KCNQ1OT1: variants seen among roughly 807,000 people sequenced by gnomAD.
The protein encoded by KCNQ1OT1 is KCNQ1 opposite strand/antisense transcript 1.
exon 1 of KCNQ1OT1, chr11:2,699,443 G>A (rs1429960805): frequency 7.5e-6 from 3 of 401,808 alleles, no homozygotes; most frequent in East Asian, 7.3e-5. Flanking sequence ...TGGGAGAACC[G>A]CACTGAGGAG....
chr11:2,691,600 C>T lies in KCNQ1OT1; in HGVS notation n.8395G>A. The stretch of plus-strand genomic sequence containing the variant: ...GACGAGGCCTCCCTGAGGGAGTCAA[C>T]CTAGCTTGTTCCCTGCACGTACTGT... On this transcript the variant is annotated non_coding_transcript_exon_variant, in exon 1 of 1. Coordinates refer to ENST00000597346, the Ensembl canonical transcript of KCNQ1OT1. The surrounding 1 kb of genome is among the most constrained non-coding windows in gnomAD (Gnocchi z 6.4). 2.5e-6 allele frequency: 1 copy of T among 398,570 alleles called. No individual in the cohort carries two copies. 24.7% of individuals were successfully genotyped at this position (398,570 alleles called of 1,614,324 possible).
At chr11:2,656,489 G>C (rs571827063) in exon 1 of KCNQ1OT1, 1 of 398,660 alleles carries the variant, frequency 2.5e-6, no homozygotes, top group Non-Finnish European at 4.4e-6. Context: ...TCGCCCCCAC[G>C]GGCCATGAGC....
In KCNQ1OT1 at chr11:2,687,702, G is replaced by A. The variant is rs1850514933; in HGVS notation, n.12293C>T. ...AGCTCAGGGTTCAGTGTTGGAATGG[G>A]TCTGGGCCCAGATTTCAAGCCAGTA... is the stretch of plus-strand genomic sequence containing the variant. On this transcript the variant is annotated non_coding_transcript_exon_variant, in exon 1 of 1. Coordinates refer to ENST00000597346, the Ensembl canonical transcript of KCNQ1OT1. This position sits in a 1 kb window ranked among gnomAD's most constrained non-coding sequence, Gnocchi z 5.0. 5.0e-6 allele frequency: 2 copies of A among 398,666 alleles called. No homozygotes were observed. The highest frequency in any genetic ancestry group is 8.8e-6 in the Non-Finnish European group (2 of 226,194). 24.7% of individuals were successfully genotyped at this position (398,666 alleles called of 1,614,324 possible). A position where few individuals can be genotyped will look rare whatever the true frequency, so the allele number is the denominator to read the frequency against.
Position 2,698,846 on chromosome 11 carries a change from G to C in KCNQ1OT1, n.1149C>G, listed in dbSNP as rs1169778374. 1 of 398,602 alleles carries C rather than the reference G, an allele frequency of 2.5e-6. No homozygotes were observed. The highest frequency in any genetic ancestry group is 3.6e-5 in the East Asian group (1 of 28,092). 24.7% of individuals were successfully genotyped at this position (398,602 alleles called of 1,614,324 possible). ...AGGCCCTACCTAAAACCACCATGCG[G>C]ACTCCAGACCCGGACTGACTGGGAC... On this transcript the variant is annotated non_coding_transcript_exon_variant, in exon 1 of 1. Transcript: ENST00000597346. This position sits in a 1 kb window ranked among gnomAD's most constrained non-coding sequence, Gnocchi z 5.1.
chr11:2,625,727 G>A lies in KCNQ1OT1; in HGVS notation n.74268C>T, dbSNP rs564811878. 1.5e-3 allele frequency: 582 copies of A among 397,236 alleles called. 3 individuals are homozygous for A. The highest frequency in any genetic ancestry group is 0.01 in the African/African-American group (501 of 48,584). 24.6% of individuals were successfully genotyped at this position (397,236 alleles called of 1,614,324 possible). ...TGGGACTACAGGCGCCCACCACCAC[G>A]CCTGGCTAATTTTTTGTATTTTTAG... is the stretch of plus-strand genomic sequence containing the variant. On this transcript the variant is annotated non_coding_transcript_exon_variant, in exon 1 of 1. Transcript: ENST00000597346.
Position 2,652,757 on chromosome 11 carries a change from C to G in KCNQ1OT1, n.47238G>C, listed in dbSNP as rs916077968. 9.3e-5 allele frequency: 37 copies of G among 398,972 alleles called. No homozygotes were observed. The highest frequency in any genetic ancestry group is 1.8e-5 in the Non-Finnish European group (4 of 226,468). 24.7% of individuals were successfully genotyped at this position (398,972 alleles called of 1,614,324 possible). A position where few individuals can be genotyped will look rare whatever the true frequency, so the allele number is the denominator to read the frequency against. On this transcript the variant is annotated non_coding_transcript_exon_variant, in exon 1 of 1. Transcript: ENST00000597346. The surrounding 1 kb of genome is among the most constrained non-coding windows in gnomAD (Gnocchi z 5.9). ...GGTTGACCCTGTCCTGGCTCTGTCACTGCCTGTCTTCCTCAGCGCCCCCGC... is the reference window on the plus strand; with the variant it reads ...GGTTGACCCTGTCCTGGCTCTGTCAGTGCCTGTCTTCCTCAGCGCCCCCGC...
At chr11:2,640,067 T>TC (rs1204086488) in exon 1 of KCNQ1OT1, 1 of 210,332 alleles carries the variant, frequency 4.8e-6, no homozygotes, top group Non-Finnish European at 9.4e-6. Flanking sequence ...AGCACAGTAT[T>TC]AGGGTGGGAG....
rs1047429336 is a variant in KCNQ1OT1 at position 2,671,479 on chromosome 11, T to A, written n.28516A>T. ...ACCCAGCAGGGGATATACACAAAGA[T>A]CTGAGAAAGGGATTATTTTTAGGGC... On this transcript the variant is annotated non_coding_transcript_exon_variant, in exon 1 of 1. Coordinates refer to ENST00000597346, the Ensembl canonical transcript of KCNQ1OT1. This position sits in a 1 kb window ranked among gnomAD's most constrained non-coding sequence, Gnocchi z 4.7. 5.0e-6 allele frequency: 2 copies of A among 398,434 alleles called. No individual in the cohort carries two copies. Among genetic ancestry groups the A allele is most frequent in the Admixed American group, 8.8e-5 (2 of 22,706 alleles). The allele number at this position is 398,434 out of a possible 1,614,324, so 24.7% of individuals were successfully genotyped here. A position where few individuals can be genotyped will look rare whatever the true frequency, so the allele number is the denominator to read the frequency against.
Position 2,687,534 on chromosome 11 carries a change from C to T in KCNQ1OT1, n.12461G>A, listed in dbSNP as rs1850511625. On this transcript the variant is annotated non_coding_transcript_exon_variant, in exon 1 of 1. Transcript: ENST00000597346. The surrounding 1 kb of genome is among the most constrained non-coding windows in gnomAD (Gnocchi z 5.0). ...ACCAGCCTCCTCTGTATGGTCCCTT[C>T]CCTGGTGCACCTACCACAGCCCACT... is the stretch of plus-strand genomic sequence containing the variant. The T allele has an allele frequency of 1.0e-5, 4 of 398,718 alleles. No homozygotes were observed. Among genetic ancestry groups the T allele is most frequent in the Non-Finnish European group, 1.8e-5 (4 of 226,128 alleles). 24.7% of individuals were successfully genotyped at this position (398,718 alleles called of 1,614,324 possible). A position where few individuals can be genotyped will look rare whatever the true frequency, so the allele number is the denominator to read the frequency against.
Position 2,682,288 on chromosome 11 carries a change from A to G in KCNQ1OT1, n.17707T>C, listed in dbSNP as rs1394190319. Reference sequence around the variant, plus strand: ...AAAGCTTAAGACTGGGCTGTAAAAAATCACATACCTCCCCTCCCATTCTTA... The same window carrying G: ...AAAGCTTAAGACTGGGCTGTAAAAAGTCACATACCTCCCCTCCCATTCTTA... On this transcript the variant is annotated non_coding_transcript_exon_variant, in exon 1 of 1. Transcript: ENST00000597346. This position sits in a 1 kb window ranked among gnomAD's most constrained non-coding sequence, Gnocchi z 5.8. 1 of 398,472 alleles carries G rather than the reference A, an allele frequency of 2.5e-6. No homozygotes were observed. The highest frequency in any genetic ancestry group is 1.3e-4 in the South Asian group (1 of 7,862). The allele number at this position is 398,472 out of a possible 1,614,324, so 24.7% of individuals were successfully genotyped here. A position where few individuals can be genotyped will look rare whatever the true frequency, so the allele number is the denominator to read the frequency against.
rs1589982014 is a variant in KCNQ1OT1, at chr11:2,613,931, A to G, written n.86064T>C. 7.5e-6 allele frequency: 3 copies of G among 398,582 alleles called. No individual in the cohort carries two copies. In the East Asian group the frequency reaches 1.1e-4, roughly 14 times the overall value. 24.7% of individuals were successfully genotyped at this position (398,582 alleles called of 1,614,324 possible). On this transcript the variant is annotated non_coding_transcript_exon_variant, in exon 1 of 1. Coordinates refer to ENST00000597346, the Ensembl canonical transcript of KCNQ1OT1. The surrounding 1 kb of genome is among the most constrained non-coding windows in gnomAD (Gnocchi z 4.8). ...TACTATTCTGTATATGCCCTTTTGA[A>G]CTTTGCTTTTCTCACCTAACAACAT...
In KCNQ1OT1 at chr11:2,674,426, A is replaced by G. The variant is rs1850253457; in HGVS notation, n.25569T>C. Reference sequence around the variant, plus strand: ...GTGTGTGCGCGCCCGCGCGCACACGACCACAGAGGCTGGGGGGAGGCACGT... The same window carrying G: ...GTGTGTGCGCGCCCGCGCGCACACGGCCACAGAGGCTGGGGGGAGGCACGT... On this transcript the variant is annotated non_coding_transcript_exon_variant, in exon 1 of 1. Transcript: ENST00000597346. This position sits in a 1 kb window ranked among gnomAD's most constrained non-coding sequence, Gnocchi z 5.9. 2.5e-6 allele frequency: 1 copy of G among 398,420 alleles called. No individual in the cohort carries two copies. The highest frequency in any genetic ancestry group is 6.3e-4 in the Middle Eastern group (1 of 1,588). The allele number at this position is 398,420 out of a possible 1,614,324, so 24.7% of individuals were successfully genotyped here.
Position 2,654,958 on chromosome 11 carries a change from C to T in KCNQ1OT1, n.45037G>A, listed in dbSNP as rs1478555457. The T allele has an allele frequency of 2.5e-6, 1 of 398,468 alleles. No homozygotes were observed. The highest frequency in any genetic ancestry group is 4.4e-6 in the Non-Finnish European group (1 of 226,084). 24.7% of individuals were successfully genotyped at this position (398,468 alleles called of 1,614,324 possible). A position where few individuals can be genotyped will look rare whatever the true frequency, so the allele number is the denominator to read the frequency against. The stretch of plus-strand genomic sequence containing the variant: ...AGGAGACTTCCACAAATTATTGTTT[C>T]TTGACTTGGAAAAGTATCATGCAAA... On this transcript the variant is annotated non_coding_transcript_exon_variant, in exon 1 of 1. Coordinates refer to ENST00000597346, the Ensembl canonical transcript of KCNQ1OT1. This position sits in a 1 kb window ranked among gnomAD's most constrained non-coding sequence, Gnocchi z 6.4.
exon 1 of KCNQ1OT1, chr11:2,640,535 C>T (rs1360702436): frequency 7.6e-6 from 3 of 395,750 alleles, no homozygotes; most frequent in African/African-American, 6.3e-5. Context: ...ATCCTTCTGC[C>T]TTGGCCCCCC....
exon 1 of KCNQ1OT1, chr11:2,640,374 C>T (rs955240363): frequency 5.0e-6 from 2 of 398,548 alleles, no homozygotes; most frequent in South Asian, 1.3e-4. Flanking sequence ...CAATCTTTAA[C>T]TCCCAGGCTC....
rs1308944802 is a variant in KCNQ1OT1, at chr11:2,608,837, G to C, written n.91158C>G. On this transcript the variant is annotated non_coding_transcript_exon_variant, in exon 1 of 1. Transcript: ENST00000597346. This position sits in a 1 kb window ranked among gnomAD's most constrained non-coding sequence, Gnocchi z 4.6. ...AAACTGTCATTCATTTCTGATTTTA[G>C]TAATTTGAGTTTTCTCTCTCCCCCT... 9.8e-5 allele frequency: 39 copies of C among 398,174 alleles called. No individual in the cohort carries two copies. The Admixed American group carries it at 1.7e-3, about 18-fold the overall frequency. 24.7% of individuals were successfully genotyped at this position (398,174 alleles called of 1,614,324 possible).
At position 2,663,068 on chromosome 11, in the gene KCNQ1OT1, G is replaced by A. The variant is rs1263766995; in HGVS notation, n.36927C>T. 1.0e-5 allele frequency: 4 copies of A among 398,628 alleles called. No homozygotes were observed. The highest frequency in any genetic ancestry group is 1.8e-5 in the Non-Finnish European group (4 of 226,180). The allele number at this position is 398,628 out of a possible 1,614,324, so 24.7% of individuals were successfully genotyped here. ...GTGTAACCAGAGAACTGGCAGGGTT[G>A]GGTAGCCAGAATGAGGCCACCTCCA... is the stretch of plus-strand genomic sequence containing the variant. On this transcript the variant is annotated non_coding_transcript_exon_variant, in exon 1 of 1. Coordinates refer to ENST00000597346, the Ensembl canonical transcript of KCNQ1OT1. This position sits in a 1 kb window ranked among gnomAD's most constrained non-coding sequence, Gnocchi z 5.2.
chr11:2,656,208 C>T (rs1284423034), exon 1 of KCNQ1OT1: 2 of 398,290 alleles, frequency 5.0e-6, no homozygotes, highest in Non-Finnish European at 8.8e-6. Flanking sequence ...AAATTGAATC[C>T]TGGATGAAGT....
chr11:2,683,123 T>A lies in KCNQ1OT1; in HGVS notation n.16872A>T. On this transcript the variant is annotated non_coding_transcript_exon_variant, in exon 1 of 1. Coordinates refer to ENST00000597346, the Ensembl canonical transcript of KCNQ1OT1. This position sits in a 1 kb window ranked among gnomAD's most constrained non-coding sequence, Gnocchi z 4.7. ...TGTTCCCAGGATATATCGCACCAAC[T>A]CAGGAGGGTGTGGGGATGGGCTAGC... 1 of 338,226 alleles carries A rather than the reference T, an allele frequency of 3.0e-6. No homozygotes were observed. The highest frequency in any genetic ancestry group is 2.3e-4 in the South Asian group (1 of 4,364). The allele number at this position is 338,226 out of a possible 1,614,324, so 21.0% of individuals were successfully genotyped here. A position where few individuals can be genotyped will look rare whatever the true frequency, so the allele number is the denominator to read the frequency against.
Sources: allele counts gnomAD v4.1 joint callset, GRCh38; gene constraint gnomAD v4.1.1; non-coding constraint Gnocchi (gnomAD v3.1); transcripts MANE v1.5; gene names NCBI Gene and HGNC (gene_info 2026-07-23, HGNC 2026-07-21).